ANKRD6: variants seen among roughly 807,000 people sequenced by gnomAD.
ANKRD6 encodes ankyrin repeat domain 6, also known as ankyrin repeat domain-containing protein 6.
A neutral mutation model predicts 82.3 loss-of-function variants in ANKRD6; 56 were observed. The observed-to-expected ratio is 0.68, with a 90% confidence interval of 0.55 to 0.85. ANKRD6 has a LOEUF of 0.85. ANKRD6 is among the 40% of genes least tolerant of loss of function. The pLI, the probability that ANKRD6 is intolerant of heterozygous loss-of-function variation, is 0.00. For missense variants in ANKRD6, 852 were observed against 907.6 expected, an observed-to-expected ratio of 0.94 and a Z score of 0.79; for synonymous variants, 347 against 352.1, an observed-to-expected ratio of 0.99 and a Z score of 0.16.
intron 1 of ANKRD6, among the ~76,000 whole-genome samples, chr6:89,474,322 T>C (rs1775809884): frequency 1.3e-5 from 2 of 152,228 alleles, no homozygotes; most frequent in African/African-American, 2.4e-5. Flanking sequence ...CACATCTCTG[T>C]AGCTGTCATT....
At chr6:89,470,690 T>G (rs1373145243) in intron 1 of ANKRD6, among the ~76,000 whole-genome samples, 9 of 152,044 alleles carry the variant, frequency 5.9e-5, no homozygotes, top group African/African-American at 2.2e-4. Context: ...TTTTGTTTTG[T>G]TTTGTTTTGT....
chr6:89,459,952 G>A (rs1372952414), intron 1 of ANKRD6, among the ~76,000 whole-genome samples: 1 of 152,026 alleles, frequency 6.6e-6, no homozygotes. Context: ...TGCTGCTACT[G>A]TATAAAATTG....
intron 1 of ANKRD6, among the ~76,000 whole-genome samples, chr6:89,549,750 CT>C (rs1369262449): frequency 6.6e-6 from 1 of 152,112 alleles, no homozygotes; most frequent in Admixed American, 6.5e-5. Flanking sequence ...CCCTGCACTC[CT>C]GCCTCTGGGA....
chr6:89,527,075 C>T (rs1455540667), intron 1 of ANKRD6, among the ~76,000 whole-genome samples: 1 of 152,160 alleles, frequency 6.6e-6, no homozygotes, highest in African/African-American at 2.4e-5. Flanking sequence ...GCATCCCTTA[C>T]CCCAGTTGAG....
At chr6:89,621,689 T>C in intron 9 of ANKRD6, 2 of 536,392 alleles carry the variant, frequency 3.7e-6, no homozygotes, top group South Asian at 4.1e-5. Flanking sequence ...TCATAGACTT[T>C]AAGCTTCTTG....
chr6:89,530,700 G>C (rs1033529807), intron 1 of ANKRD6, among the ~76,000 whole-genome samples: 4 of 152,356 alleles, frequency 2.6e-5, no homozygotes, highest in African/African-American at 9.6e-5. Flanking sequence ...GCTCTGGTTG[G>C]AGGAATAAAG....
chr6:89,621,802 C>T, intron 9 of ANKRD6, 120 bp from the exon 10 acceptor site: 5 of 966,080 alleles, frequency 5.2e-6, no homozygotes, highest in South Asian at 1.4e-5. Flanking sequence ...GATGTGAACA[C>T]CTGCTCTCAC....
intron 2 of ANKRD6, among the ~76,000 whole-genome samples, chr6:89,591,562 T>A (rs1794913742): frequency 6.6e-6 from 1 of 152,220 alleles, no homozygotes; most frequent in Non-Finnish European, 1.5e-5. Flanking sequence ...TCCTTCACCC[T>A]TAAGAGGGGT....
At chr6:89,609,039 T>C (rs775698570) in intron 5 of ANKRD6, among the ~76,000 whole-genome samples, 16 of 152,182 alleles carry the variant, frequency 1.1e-4, no homozygotes, top group Admixed American at 9.8e-4. Context: ...ACCTCCAACC[T>C]GGCCCCAGGC....
intron 1 of ANKRD6, among the ~76,000 whole-genome samples, chr6:89,466,207 A>T (rs950090867): frequency 1.3e-5 from 2 of 152,238 alleles, no homozygotes; most frequent in Non-Finnish European, 2.9e-5. Context: ...CTGAGTAGAT[A>T]TAGTTATGTA....
intron 1 of ANKRD6, among the ~76,000 whole-genome samples, chr6:89,532,322 C>A (rs986273809): frequency 5.9e-5 from 9 of 152,198 alleles, no homozygotes; most frequent in African/African-American, 2.2e-4. Context: ...CCTCTCCTAA[C>A]TTTTCTAATA....
intron 1 of ANKRD6, among the ~76,000 whole-genome samples, chr6:89,498,181 C>T (rs1261103068): frequency 6.6e-6 from 1 of 152,184 alleles, no homozygotes; most frequent in Non-Finnish European, 1.5e-5. Flanking sequence ...GTCAGTCTTA[C>T]TCCCTCTTCC....
chr6:89,524,244 C>T (rs1457230487), intron 1 of ANKRD6, among the ~76,000 whole-genome samples: 1 of 151,930 alleles, frequency 6.6e-6, no homozygotes. Context: ...TTTTGATGCA[C>T]CCGTCACCCA....
chr6:89,606,549 A>G (rs1206162004), intron 5 of ANKRD6, among the ~76,000 whole-genome samples: 1 of 152,188 alleles, frequency 6.6e-6, no homozygotes, highest in Non-Finnish European at 1.5e-5. Context: ...AAAACAAATC[A>G]GGAGCCTTAA....
chr6:89,442,863 G>A (rs984473496), intron 1 of ANKRD6, among the ~76,000 whole-genome samples: 8 of 152,122 alleles, frequency 5.3e-5, no homozygotes, highest in Admixed American at 2.0e-4. Flanking sequence ...GATGGCAGAT[G>A]TTTTCTGTTT....
intron 1 of ANKRD6, among the ~76,000 whole-genome samples, chr6:89,503,242 C>A (rs897106889): frequency 3.3e-5 from 5 of 152,152 alleles, no homozygotes; most frequent in Admixed American, 2.0e-4. Context: ...AAGAGAAAGA[C>A]GAGAGTCCTC....
At chr6:89,579,842 G>A (rs544896401) in intron 2 of ANKRD6, among the ~76,000 whole-genome samples, 1 of 150,192 alleles carries the variant, frequency 6.7e-6, no homozygotes, top group South Asian at 2.1e-4. Context: ...GCTTTTTGGA[G>A]TAGAAGTTGA....
intron 5 of ANKRD6, among the ~76,000 whole-genome samples, chr6:89,612,033 A>C (rs777289958): frequency 2.0e-4 from 30 of 152,234 alleles, no homozygotes; most frequent in Non-Finnish European, 4.0e-4. Flanking sequence ...TTTAGTTAGT[A>C]AGTTGCAGAG....
intron 1 of ANKRD6, among the ~76,000 whole-genome samples, chr6:89,553,452 C>G (rs765468004): frequency 1.3e-5 from 2 of 152,174 alleles, no homozygotes; most frequent in East Asian, 3.9e-4. Context: ...AGTAGCAAAT[C>G]ACAGTTGGTG....
Sources: allele counts gnomAD v4.1 joint callset (sites outside exome capture counted in the v4.1 genomes callset), GRCh38; gene constraint gnomAD v4.1.1; transcripts MANE v1.5; gene names NCBI Gene and HGNC (gene_info 2026-07-23, HGNC 2026-07-21).